ZNF385D: variants seen among roughly 807,000 people sequenced by gnomAD.
ZNF385D encodes zinc finger protein 385D.
In ZNF385D, 15 loss-of-function variants were observed where a neutral mutation model predicts 35.8. The observed-to-expected ratio is 0.42, with a 90% CI of 0.28 to 0.64. The LOEUF is 0.64. Among genes scored for constraint, ZNF385D ranks in the 30% least tolerant of loss-of-function variants. The pLI is 0.23. For synonymous variants in ZNF385D, 212 were observed against 186.8 expected (o/e 1.13, Z -1.10); for missense variants, 474 against 494.6 (o/e 0.96, Z 0.39).
chr3:21,971,220 A>G (rs766520815), intron 3 of ZNF385D, among the ~76,000 whole-genome samples: 4 of 152,256 alleles, frequency 2.6e-5, no homozygotes, highest in Non-Finnish European at 5.9e-5. Flanking sequence ...TACCCAGAAT[A>G]GAAAGACTAA....
chr3:21,444,134 C>G (rs1419618654), intron 4 of ZNF385D, among the ~76,000 whole-genome samples: 1 of 144,752 alleles, frequency 6.9e-6, no homozygotes, highest in African/African-American at 2.6e-5. Flanking sequence ...GGCTGGAGTA[C>G]AGTTGCACAA....
intron 2 of ZNF385D, among the ~76,000 whole-genome samples, chr3:22,191,077 A>G (rs975668183): frequency 1.3e-5 from 2 of 152,150 alleles, no homozygotes; most frequent in African/African-American, 4.8e-5. Context: ...ATACAGAATT[A>G]TTTTTAAAAA....
chr3:21,775,401 A>C (rs1288730855), intron 3 of ZNF385D, among the ~76,000 whole-genome samples: 1 of 151,850 alleles, frequency 6.6e-6, no homozygotes, highest in Non-Finnish European at 1.5e-5. Flanking sequence ...TAGCTAAAAA[A>C]AATTAAAAAT....
In ZNF385D at chr3:22,096,166, G is replaced by A. The variant is rs1701612139; in HGVS notation, c.325+72651C>T. 2.0e-5 allele frequency among the ~76,000 whole-genome samples: 3 copies of A among 151,724 alleles called. No individual in the cohort carries two copies. The South Asian group carries it at 6.2e-4, about 31-fold the overall frequency. ...TTTAATAATTGTTTAGAGGGGGAAG[G>A]GAGGGCAGGGAGAGAAGGAGACAAG... is the stretch of plus-strand genomic sequence containing the variant. On this transcript the variant is annotated intron_variant, in intron 3 of 5. Transcript: ENST00000494108.
intron 1 of ZNF385D, among the ~76,000 whole-genome samples, chr3:21,739,966 G>A (rs2069431197): frequency 6.6e-6 from 1 of 152,162 alleles, no homozygotes; most frequent in South Asian, 2.1e-4. Context: ...GGCTCAAAGA[G>A]ATCAAGTTGC....
chr3:21,842,962 T>C (rs539307675), intron 3 of ZNF385D, among the ~76,000 whole-genome samples: 3 of 152,232 alleles, frequency 2.0e-5, no homozygotes, highest in Admixed American at 2.0e-4. Context: ...CTGCATTACA[T>C]GCAGAATGCT....
intron 3 of ZNF385D, among the ~76,000 whole-genome samples, chr3:22,150,491 G>A (rs922229495): frequency 3.3e-5 from 5 of 151,872 alleles, no homozygotes; most frequent in African/African-American, 7.3e-5. Context: ...AATTAATAGT[G>A]GGAATGCATA....
chr3:21,664,653 C>T (rs2066347411), intron 2 of ZNF385D, among the ~76,000 whole-genome samples: 1 of 152,266 alleles, frequency 6.6e-6, no homozygotes, highest in East Asian at 1.9e-4. Flanking sequence ...AGAGGGGATA[C>T]ATCAACTCAT....
rs115262833 is a variant in ZNF385D at position 21,824,098 on chromosome 3, G to A, written c.326-159070C>T. 3.3e-3 allele frequency among the ~76,000 whole-genome samples: 504 copies of A among 152,232 alleles called. 3 individuals carry two copies. The highest frequency in any genetic ancestry group is 0.011 in the African/African-American group (472 of 41,528). The stretch of plus-strand genomic sequence containing the variant: ...ACACATTATGGCCATCTGTGCAAAC[G>A]TACAACTGAAAAGAGATGACAAAAG... On this transcript the variant is annotated intron_variant, in intron 3 of 5. Transcript: ENST00000494108.
intron 3 of ZNF385D, among the ~76,000 whole-genome samples, chr3:21,896,515 G>T (rs774770525): frequency 2.6e-5 from 4 of 152,178 alleles, no homozygotes; most frequent in Non-Finnish European, 5.9e-5. Flanking sequence ...GGGCAAAGAG[G>T]TGGGGCCTGG....
At chr3:22,110,528 T>A (rs1702463292) in intron 3 of ZNF385D, among the ~76,000 whole-genome samples, 1 of 151,754 alleles carries the variant, frequency 6.6e-6, no homozygotes, top group Non-Finnish European at 1.5e-5. Context: ...CTCAGCAAAC[T>A]ATCACAAGGA....
intron 2 of ZNF385D, among the ~76,000 whole-genome samples, chr3:22,369,554 A>T (rs1335911502): frequency 6.6e-6 from 1 of 152,172 alleles, no homozygotes. Context: ...ATGCAAATAC[A>T]ATGAAACATA....
rs1205327088 is a variant in ZNF385D, at chr3:22,053,107, G to A, written c.325+115710C>T. ...GCGCCCCTCCCCCAGCCTCGTTGCC[G>A]CCTTGCAGTTTGATCTCAGACTGCT... On this transcript the variant is annotated intron_variant, in intron 3 of 5. Coordinates refer to the ZNF385D transcript ENST00000494108. Among the ~76,000 whole-genome samples, 8 of 81,716 alleles carry A rather than the reference G, an allele frequency of 9.8e-5. 1 individual carries two copies. Among genetic ancestry groups the A allele is most frequent in the South Asian group, 6.2e-4 (1 of 1,622 alleles). 53.6% of individuals were successfully genotyped at this position (81,716 alleles called of 152,430 possible). A position where few individuals can be genotyped will look rare whatever the true frequency, so the allele number is the denominator to read the frequency against.
intron 3 of ZNF385D, among the ~76,000 whole-genome samples, chr3:22,136,302 C>T (rs960974524): frequency 5.3e-5 from 8 of 152,062 alleles, no homozygotes; most frequent in Admixed American, 2.6e-4. Flanking sequence ...GTACGAGAAT[C>T]GCTTGAACCT....
intron 2 of ZNF385D, among the ~76,000 whole-genome samples, chr3:22,192,338 C>A (rs2125227263): frequency 6.6e-6 from 1 of 152,294 alleles, no homozygotes; most frequent in Non-Finnish European, 1.5e-5. Context: ...GAAAATGAAG[C>A]TGTTCTAGCC....
intron 3 of ZNF385D, among the ~76,000 whole-genome samples, chr3:22,076,770 T>C (rs1053417243): frequency 6.6e-6 from 1 of 151,796 alleles, no homozygotes; most frequent in Non-Finnish European, 1.5e-5. Flanking sequence ...TAATAACAAA[T>C]TGAAAAATAT....
intron 3 of ZNF385D, among the ~76,000 whole-genome samples, chr3:21,559,963 G>C (rs2062880522): frequency 6.6e-6 from 1 of 152,020 alleles, no homozygotes; most frequent in Non-Finnish European, 1.5e-5. Context: ...ATTGATACTT[G>C]TGTATGCCTC....
chr3:22,061,129 T>C (rs559182082), intron 3 of ZNF385D, among the ~76,000 whole-genome samples: 1 of 152,256 alleles, frequency 6.6e-6, no homozygotes, highest in Non-Finnish European at 1.5e-5. Flanking sequence ...TTAAATTAAA[T>C]TAAATTAAAT....
At chr3:22,027,337 G>T (rs1281664268) in intron 3 of ZNF385D, among the ~76,000 whole-genome samples, 1 of 152,220 alleles carries the variant, frequency 6.6e-6, no homozygotes, top group African/African-American at 2.4e-5. Context: ...GGAAGGTTCT[G>T]CAACAGCTCC....
Sources: allele counts gnomAD v4.1 joint callset (sites outside exome capture counted in the v4.1 genomes callset), GRCh38; gene constraint gnomAD v4.1.1; transcripts MANE v1.5; gene names NCBI Gene and HGNC (gene_info 2026-07-23, HGNC 2026-07-21).